GSE1: variants seen among roughly 807,000 people sequenced by gnomAD.
GSE1 encodes the protein Gse1 coiled-coil protein.
A neutral mutation model predicts 112.6 loss-of-function variants in GSE1; 32 were observed. That is an observed-to-expected ratio of 0.28 (90% CI 0.21 to 0.38). GSE1 has a LOEUF of 0.38. Ranked by LOEUF, GSE1 falls within the 10% of genes least tolerant of loss-of-function variation. The probability of loss-of-function intolerance (pLI) is 1.00; values close to 1 mark genes in which losing one functional copy is unlikely to be tolerated. For missense variants in GSE1, 2,348 were observed against 1,699.2 expected (o/e 1.38, Z -6.71); for synonymous variants, 1,115 against 735.6 (o/e 1.52, Z -8.35).
chr16:85,546,183 C>T (rs2044694101), intron 2 of GSE1, among the ~76,000 whole-genome samples: 1 of 152,228 alleles, frequency 6.6e-6, no homozygotes, highest in Non-Finnish European at 1.5e-5. Context: ...CTCCCGGGTT[C>T]AAGCAATTCT....
chr16:85,656,282 C>T, intron 6 of GSE1, 61 bp from the exon 7 acceptor site: 1 of 1,587,614 alleles, frequency 6.3e-7, no homozygotes, highest in Non-Finnish European at 8.6e-7. Context: ...TAAGGGCCTG[C>T]CCCAGGTCCG....
In GSE1 at chr16:85,457,046, G is replaced by A. The variant is rs561601285; in HGVS notation, c.2464+99403G>A. On this transcript the variant is annotated intron_variant, in intron 2 of 2. Coordinates refer to the GSE1 transcript ENST00000637419. Reference sequence around the variant, plus strand: ...AGAATCTTCTGATAAATGAACCTCAGCAGTAGGCATCCTGAGATCACTGCC... The same window carrying A: ...AGAATCTTCTGATAAATGAACCTCAACAGTAGGCATCCTGAGATCACTGCC... Among the ~76,000 whole-genome samples the A allele has an allele frequency of 1.6e-4, 25 of 152,354 alleles. 2 individuals are homozygous for A. Among genetic ancestry groups the A allele is most frequent in the African/African-American group, 6.0e-4 (25 of 41,590 alleles).
At chr16:85,496,056 T>G (rs1029329455) in intron 2 of GSE1, among the ~76,000 whole-genome samples, 6 of 152,204 alleles carry the variant, frequency 3.9e-5, no homozygotes, top group African/African-American at 1.4e-4. Context: ...AAGCCAGAGC[T>G]GGATCCCGGG....
intron 1 of GSE1, among the ~76,000 whole-genome samples, chr16:85,214,992 A>G (rs1255586342): frequency 6.6e-6 from 1 of 152,156 alleles, no homozygotes; most frequent in Non-Finnish European, 1.5e-5. Flanking sequence ...TGGAGACACA[A>G]TGCCAGGCGC....
chr16:85,253,069 ACCCCCCCC>A (rs56691935), intron 1 of GSE1, among the ~76,000 whole-genome samples: 1,602 of 57,912 alleles, frequency 0.028, 52 homozygotes, highest in African/African-American at 0.1. Flanking sequence ...CCCCCCCCCC[ACCCCCCCC>A]CCCCCACCAG....
Position 85,465,162 on chromosome 16 carries a change from G to A in GSE1, c.2464+107519G>A, listed in dbSNP as rs148063377. 5.8e-4 allele frequency among the ~76,000 whole-genome samples: 89 copies of A among 152,346 alleles called. 1 individual carries two copies. In the East Asian group the frequency reaches 0.012, roughly 21 times the overall value. On this transcript the variant is annotated intron_variant, in intron 2 of 2. Transcript: ENST00000637419. ...GGTCACTCCGATATCCAGGAGTGTG[G>A]GACGGCCCCTGGTTCCCGGCTGCAT...
chr16:85,279,653 G>A (rs954892743), intron 1 of GSE1, among the ~76,000 whole-genome samples: 1 of 152,120 alleles, frequency 6.6e-6, no homozygotes, highest in Non-Finnish European at 1.5e-5. Flanking sequence ...TAGCTCTGTG[G>A]GTCAGAGCTC....
intron 2 of GSE1, among the ~76,000 whole-genome samples, chr16:85,529,183 C>A (rs2052466736): frequency 6.6e-6 from 1 of 151,762 alleles, no homozygotes; most frequent in Admixed American, 6.6e-5. Flanking sequence ...GTGTGTGGGA[C>A]TGGAGTGGGG....
rs551268949 is a variant in GSE1 at position 85,320,458 on chromosome 16, G to T, written c.2284-37005G>T. Among the ~76,000 whole-genome samples the T allele has an allele frequency of 2.1e-3, 316 of 151,988 alleles. 1 individual carries two copies. Among genetic ancestry groups the T allele is most frequent in the African/African-American group, 7.0e-3 (292 of 41,454 alleles). Reference sequence around the variant, plus strand: ...CCCGGCTAATGTTTTGTTTTGTTTTGTTTTGTTTTGTTTTTTTGTAGAAAT... The same window carrying T: ...CCCGGCTAATGTTTTGTTTTGTTTTTTTTTGTTTTGTTTTTTTGTAGAAAT... On this transcript the variant is annotated intron_variant, in intron 1 of 2. Coordinates refer to the GSE1 transcript ENST00000637419.
intron 2 of GSE1, among the ~76,000 whole-genome samples, chr16:85,423,646 G>A (rs1290573812): frequency 1.3e-5 from 2 of 151,744 alleles, no homozygotes; most frequent in East Asian, 1.9e-4. Flanking sequence ...TGGGACCTGG[G>A]TGGGTGGGGT....
chr16:85,213,510 T>TC (rs2075260956), intron 1 of GSE1, among the ~76,000 whole-genome samples: 1 of 152,182 alleles, frequency 6.6e-6, no homozygotes, highest in Admixed American at 6.5e-5. Flanking sequence ...GCAAAGGACC[T>TC]CCCTGTGTAC....
At chr16:85,515,027 G>A (rs1014342197) in intron 2 of GSE1, among the ~76,000 whole-genome samples, 1 of 152,220 alleles carries the variant, frequency 6.6e-6, no homozygotes, top group Non-Finnish European at 1.5e-5. Context: ...GAATATCTGT[G>A]TGGGTGGATG....
At chr16:85,467,412 T>G (rs764423701) in intron 2 of GSE1, among the ~76,000 whole-genome samples, 2 of 152,210 alleles carry the variant, frequency 1.3e-5, no homozygotes, top group Non-Finnish European at 2.9e-5. Flanking sequence ...ACACAAATTT[T>G]GTTTGCTGGT....
At chr16:85,364,759 C>A (rs193284113) in intron 2 of GSE1, among the ~76,000 whole-genome samples, 18 of 152,350 alleles carry the variant, frequency 1.2e-4, no homozygotes, top group African/African-American at 4.3e-4. Context: ...GACCAGCTCA[C>A]ACCCCACCCA....
chr16:85,580,879 C>G (rs1013110572), intron 1 of GSE1, among the ~76,000 whole-genome samples: 7 of 152,236 alleles, frequency 4.6e-5, no homozygotes. Context: ...ATCAACCCTG[C>G]CAGCACCTTG....
chr16:85,668,048 T>C, intron 13 of GSE1, 92 bp from the exon 14 acceptor site: 1 of 978,084 alleles, frequency 1.0e-6, no homozygotes, highest in Non-Finnish European at 1.5e-6. Context: ...TCATGTTGAC[T>C]CTGCACCAAG....
At chr16:85,649,176 C>T (rs1307682882) in intron 3 of GSE1, among the ~76,000 whole-genome samples, 3 of 152,224 alleles carry the variant, frequency 2.0e-5, no homozygotes, top group South Asian at 2.1e-4. Flanking sequence ...GCTGGTTTAG[C>T]GCCCACCCTA....
At chr16:85,329,485 G>GAGCC (rs1004339049) in intron 1 of GSE1, among the ~76,000 whole-genome samples, 1 of 151,960 alleles carries the variant, frequency 6.6e-6, no homozygotes, top group Non-Finnish European at 1.5e-5. Context: ...GGGGGCTGCA[G>GAGCC]AGCCACCTGC....
intron 1 of GSE1, among the ~76,000 whole-genome samples, chr16:85,235,404 G>T (rs1567628289): frequency 1.3e-5 from 2 of 150,514 alleles, no homozygotes; most frequent in Non-Finnish European, 3.0e-5. Context: ...CGGGGGGTGG[G>T]GTGAGGGGGG....
Sources: gnomAD v4.1 joint callset for allele counts (sites outside exome capture counted in the v4.1 genomes callset) on GRCh38, gnomAD v4.1.1 for gene constraint, MANE v1.5 for transcripts, NCBI Gene and HGNC (gene_info 2026-07-23, HGNC 2026-07-21) for gene names.